NFIA: variants seen among roughly 807,000 people sequenced by gnomAD.
The protein encoded by NFIA is nuclear factor I A.
In NFIA, 8 loss-of-function variants were observed where a neutral mutation model predicts 62.8. The ratio of observed to expected loss-of-function variants is 0.13; its 90% CI spans 0.07 to 0.23. The LOEUF (loss-of-function observed/expected upper bound fraction) is 0.23. Ranked by LOEUF, NFIA falls within the 10% of genes least tolerant of loss-of-function variation. The pLI, the probability that NFIA is intolerant of heterozygous loss-of-function variation, is 1.00. For missense variants in NFIA, 410 were observed against 642.1 expected (o/e 0.64, Z 3.91); for synonymous variants, 235 against 238.1 (o/e 0.99, Z 0.12).
intron 2 of NFIA, among the ~76,000 whole-genome samples, chr1:61,245,179 G>A (rs1422720015): frequency 6.6e-6 from 1 of 152,032 alleles, no homozygotes; most frequent in African/African-American, 2.4e-5. Flanking sequence ...AATTTAGATG[G>A]GTTTTTCTTA....
In NFIA at chr1:61,352,454, A is replaced by G; in HGVS notation, c.705A>G (p.Pro235=). The change falls in exon 5 of 11, where the codon CCA becomes CCG. Residue 235 remains proline (P), a synonymous_variant. Coordinates refer to ENST00000403491, the MANE Select transcript of NFIA (RefSeq NM_001134673.4). The part of the protein sequence containing the change: ...VTELVRVSQT[P]IAAGTGPNFS... ...TGTTTGTTTTCTTAATTCTAGCACC[A>G]ATAGCTGCAGGAACTGGCCCAAATT... is the stretch of plus-strand genomic sequence containing the variant. The G allele has an allele frequency of 1.2e-6, 2 of 1,609,956 alleles. No individual in the cohort carries two copies. The highest frequency in any genetic ancestry group is 1.7e-6 in the Non-Finnish European group (2 of 1,176,442).
At chr1:61,356,567 A>G (rs916751096) in intron 5 of NFIA, among the ~76,000 whole-genome samples, 5 of 152,196 alleles carry the variant, frequency 3.3e-5, no homozygotes, top group African/African-American at 1.2e-4. Flanking sequence ...CAAAGAGACC[A>G]TATTTTTCTG....
At chr1:61,172,629 A>G (rs1650042736) in intron 2 of NFIA, among the ~76,000 whole-genome samples, 1 of 152,208 alleles carries the variant, frequency 6.6e-6, no homozygotes, top group South Asian at 2.1e-4. Context: ...GTTCTAGACT[A>G]GGGAAGGTCA....
At chr1:61,354,780 GTTATTC>G (rs1662739531) in intron 5 of NFIA, among the ~76,000 whole-genome samples, 1 of 152,178 alleles carries the variant, frequency 6.6e-6, no homozygotes, top group Admixed American at 6.5e-5. Context: ...GCCGTCTTGA[GTTATTC>G]TTAACCATCT....
chr1:61,431,002 T>C (rs1667077663), intron 10 of NFIA, among the ~76,000 whole-genome samples: 1 of 152,166 alleles, frequency 6.6e-6, no homozygotes, highest in South Asian at 2.1e-4. Flanking sequence ...TTTTCAACGT[T>C]GTCCCGTGAC....
chr1:61,176,921 A>G (rs546250215), intron 2 of NFIA, among the ~76,000 whole-genome samples: 12 of 151,966 alleles, frequency 7.9e-5, no homozygotes, highest in Middle Eastern at 3.2e-3. Flanking sequence ...TGGCTAACAC[A>G]GTGAAACCCC....
intron 10 of NFIA, among the ~76,000 whole-genome samples, chr1:61,452,750 C>A (rs1001379628): frequency 1.3e-5 from 2 of 152,162 alleles, no homozygotes; most frequent in African/African-American, 4.8e-5. Context: ...TCAGCAACTT[C>A]TATTGATTAA....
intron 2 of NFIA, among the ~76,000 whole-genome samples, chr1:61,104,544 C>T (rs1458721639): frequency 1.3e-5 from 2 of 151,968 alleles, no homozygotes; most frequent in African/African-American, 4.8e-5. Context: ...TAACATAAGC[C>T]TCTCTAAGGG....
At chr1:61,104,834 T>C (rs756734788) in intron 2 of NFIA, among the ~76,000 whole-genome samples, 5 of 152,032 alleles carry the variant, frequency 3.3e-5, no homozygotes, top group Non-Finnish European at 7.4e-5. Context: ...TATAATGCTT[T>C]AAAGAGACTG....
chr1:61,453,732 C>T (rs1047938429), intron 10 of NFIA, among the ~76,000 whole-genome samples: 6 of 152,146 alleles, frequency 3.9e-5, no homozygotes, highest in Admixed American at 3.3e-4. Flanking sequence ...GCGGCTCTAA[C>T]GTGGATGAGA....
intron 2 of NFIA, among the ~76,000 whole-genome samples, chr1:61,223,660 C>A (rs967764077): frequency 6.6e-6 from 1 of 151,938 alleles, no homozygotes. Flanking sequence ...AATATTTTGT[C>A]TGAATGTGGA....
chr1:61,108,753 C>T (rs912819997), intron 2 of NFIA, among the ~76,000 whole-genome samples: 1 of 151,610 alleles, frequency 6.6e-6, no homozygotes, highest in African/African-American at 2.4e-5. Flanking sequence ...AAGGACAAGA[C>T]CTGACCTAGT....
chr1:61,277,635 C>A (rs763123825), intron 3 of NFIA, 50 bp downstream of exon 3: 2 of 1,586,798 alleles, frequency 1.3e-6, no homozygotes, highest in Non-Finnish European at 1.7e-6. Flanking sequence ...CCACAGCAGC[C>A]AGCAGGCCGA....
At chr1:61,304,017 G>A (rs554967248) in intron 3 of NFIA, among the ~76,000 whole-genome samples, 2 of 151,920 alleles carry the variant, frequency 1.3e-5, no homozygotes, top group South Asian at 2.1e-4. Flanking sequence ...GCTCACGCCT[G>A]TAAACCCAGC....
chr1:61,448,741 G>A (rs6684339), intron 10 of NFIA, among the ~76,000 whole-genome samples: 4,449 of 152,216 alleles, frequency 0.029, 208 homozygotes, highest in African/African-American at 0.1. Flanking sequence ...GCGGTGGGCC[G>A]GAGTGCAGTT....
chr1:61,351,250 C>G (rs1479443752), intron 4 of NFIA, among the ~76,000 whole-genome samples: 1 of 152,200 alleles, frequency 6.6e-6, no homozygotes, highest in Non-Finnish European at 1.5e-5. Flanking sequence ...AAAAATTAAT[C>G]TGTCAGACTT....
intron 2 of NFIA, 103 bp from the exon 3 acceptor site, chr1:61,277,417 C>G (rs1657870686): frequency 5.0e-6 from 5 of 993,178 alleles, no homozygotes; most frequent in Non-Finnish European, 7.7e-6. Flanking sequence ...GTAATGTTCC[C>G]TTTCTTAGTT....
chr1:61,449,837 C>G (rs959025884), intron 10 of NFIA, among the ~76,000 whole-genome samples: 27 of 152,210 alleles, frequency 1.8e-4, no homozygotes, highest in African/African-American at 5.8e-4. Flanking sequence ...CTGGCAGTAC[C>G]AGTAACTAAC....
chr1:61,389,240 C>T (rs945652877), intron 7 of NFIA, among the ~76,000 whole-genome samples: 2 of 152,158 alleles, frequency 1.3e-5, no homozygotes, highest in Non-Finnish European at 2.9e-5. Flanking sequence ...ACAGCATGGG[C>T]GCTGCCCCCT....
Sources: gnomAD v4.1 joint callset for allele counts (sites outside exome capture counted in the v4.1 genomes callset) on GRCh38, gnomAD v4.1.1 for gene constraint, MANE v1.5 for transcripts, NCBI Gene and HGNC (gene_info 2026-07-23, HGNC 2026-07-21) for gene names.